Variants in PCDHGA3 observed in about 807,000 individuals in gnomAD.
PCDHGA3 encodes protocadherin gamma-A3.
PCDHGA3 carries 40 observed loss-of-function variants against 58.5 expected under a neutral mutation model. The ratio of observed to expected loss-of-function variants is 0.68; its 90% CI spans 0.53 to 0.89. The LOEUF is 0.89. Among genes scored for constraint, PCDHGA3 ranks in the 40% least tolerant of loss-of-function variants. The pLI is 0.00. For synonymous variants in PCDHGA3, 530 were observed against 525.7 expected, an observed-to-expected ratio of 1.01 and a Z score of -0.11; for missense variants, 1,223 against 1,195.9, an observed-to-expected ratio of 1.02 and a Z score of -0.33.
At chr5:141,400,227 C>A (rs760084071) in intron 1 of PCDHGA3, 2 of 1,614,052 alleles carry the variant, frequency 1.2e-6, no homozygotes, top group Non-Finnish European at 1.7e-6. Flanking sequence ...TGCTCTTCCT[C>A]CTGGCCGTGA....
At chr5:141,371,063 C>T (rs774821524) in intron 1 of PCDHGA3, 2 of 1,613,962 alleles carry the variant, frequency 1.2e-6, no homozygotes, top group South Asian at 2.2e-5. Context: ...CCTCCAGAAG[C>T]TGTACCACCC....
chr5:141,405,546 A>G (rs2094684316), intron 1 of PCDHGA3: 1 of 630,658 alleles, frequency 1.6e-6, no homozygotes, highest in Admixed American at 2.9e-5. Context: ...CAGCCTCCCA[A>G]GTAGAGTAGC....
At chr5:141,370,775 C>A in intron 1 of PCDHGA3, 5 of 1,613,966 alleles carry the variant, frequency 3.1e-6, no homozygotes, top group Non-Finnish European at 4.2e-6. Context: ...AGGATATTAA[C>A]GACAACCCAC....
chr5:141,404,906 C>G, intron 1 of PCDHGA3: 8 of 1,613,864 alleles, frequency 5.0e-6, no homozygotes, highest in Non-Finnish European at 5.1e-6. Context: ...CCATGGCCAG[C>G]CCCCTCTCTC....
chr5:141,413,019 C>A (rs1056458163), intron 1 of PCDHGA3: 24 of 683,104 alleles, frequency 3.5e-5, no homozygotes, highest in Non-Finnish European at 5.2e-5. Flanking sequence ...ACTACACAAG[C>A]CCCACAAACC....
chr5:141,398,145 G>A, intron 1 of PCDHGA3: 2 of 1,520,796 alleles, frequency 1.3e-6, no homozygotes, highest in Admixed American at 4.8e-5. Context: ...GCGGCGCCGG[G>A]GAGCTGGGCC....
intron 1 of PCDHGA3, among the ~76,000 whole-genome samples, chr5:141,483,459 G>A (rs1214951485): frequency 6.6e-6 from 1 of 152,186 alleles, no homozygotes; most frequent in Non-Finnish European, 1.5e-5. Flanking sequence ...AGGACTTGTT[G>A]ATTGACATGA....
At position 141,403,830 on chromosome 5, in the gene PCDHGA3, A is replaced by G. The variant is rs763794433; in HGVS notation, c.2424+57373A>G. On this transcript the variant is annotated intron_variant, in intron 1 of 3. Coordinates refer to ENST00000253812, the MANE Select transcript of PCDHGA3 (RefSeq NM_018916.4). ...AATGAAAAACAATCTCTGCTATTCC[A>G]GCTTAATGAAAATACTGGGGAAATA... The G allele has an allele frequency of 3.7e-6, 6 of 1,613,754 alleles. No individual in the cohort carries two copies. In the Admixed American group the frequency reaches 5.0e-5, roughly 13 times the overall value.
At position 141,364,340 on chromosome 5, in the gene PCDHGA3, C is replaced by G. The variant is rs750695410; in HGVS notation, c.2424+17883C>G. The G allele has an allele frequency of 4.6e-6, 7 of 1,534,518 alleles. No individual in the cohort carries two copies. The highest frequency in any genetic ancestry group is 6.1e-6 in the Non-Finnish European group (7 of 1,144,800). On this transcript the variant is annotated intron_variant, in intron 1 of 3. Coordinates refer to ENST00000253812, the MANE Select transcript of PCDHGA3 (RefSeq NM_018916.4). The stretch of plus-strand genomic sequence containing the variant: ...GGGCAGAGAGAAGGCAATGGCGAGT[C>G]CACCTAGGGGCTGGGGCTGCGGAGA...
Position 141,364,749 on chromosome 5 carries a change from T to A in PCDHGA3, c.2424+18292T>A, listed in dbSNP as rs1588602208. Reference sequence around the variant, plus strand: ...CGTTTCCGGGATGAAGAGTTAAAAGTAAAAGTTAATGAAAATGCGGCTGCA... The same window carrying A: ...CGTTTCCGGGATGAAGAGTTAAAAGAAAAAGTTAATGAAAATGCGGCTGCA... On this transcript the variant is annotated intron_variant, in intron 1 of 3. Coordinates refer to ENST00000253812, the MANE Select transcript of PCDHGA3 (RefSeq NM_018916.4). 3.1e-5 allele frequency: 50 copies of A among 1,613,798 alleles called. No individual in the cohort carries two copies. In the East Asian group the frequency reaches 1.1e-3, roughly 35 times the overall value.
Position 141,511,349 on chromosome 5 carries a change from C to T in PCDHGA3, c.*176C>T, listed in dbSNP as rs1463242262. The T allele has an allele frequency of 2.1e-6, 3 of 1,401,380 alleles. No homozygotes were observed. The highest frequency in any genetic ancestry group is 2.9e-5 in the African/African-American group (2 of 68,826). 86.8% of individuals were successfully genotyped at this position (1,401,380 alleles called of 1,614,324 possible). The stretch of plus-strand genomic sequence containing the variant: ...GCCCAGTCAGCACCTACCCCTTCCC[C>T]CCCAGGGGGTTGAATATGCAAAAGC... On this transcript the variant is annotated 3_prime_UTR_variant, in exon 4 of 4. Transcript: ENST00000253812.
At chr5:141,454,697 T>A (rs768850161) in intron 1 of PCDHGA3, among the ~76,000 whole-genome samples, 14 of 150,312 alleles carry the variant, frequency 9.3e-5, no homozygotes, top group African/African-American at 3.4e-4. Flanking sequence ...TGAGCCACCA[T>A]GCTCCACCTG....
At chr5:141,441,818 TG>T in intron 1 of PCDHGA3, 1 of 359,922 alleles carries the variant, frequency 2.8e-6, no homozygotes, top group Non-Finnish European at 5.5e-6. Flanking sequence ...ACCCCAGCTC[TG>T]GAGCGCAATG....
chr5:141,423,693 G>A (rs114008539), intron 1 of PCDHGA3: 1 of 1,396,244 alleles, frequency 7.2e-7, no homozygotes, highest in Non-Finnish European at 9.4e-7. Flanking sequence ...CTAATTGTTG[G>A]TGTCTTGGCA....
intron 1 of PCDHGA3, chr5:141,350,786 T>C (rs1758560057): frequency 1.9e-6 from 3 of 1,613,872 alleles, no homozygotes; most frequent in South Asian, 1.1e-5. Context: ...TCAATACTTC[T>C]CTCTGTCAAC....
chr5:141,351,001 C>T (rs1358534137), intron 1 of PCDHGA3: 3 of 1,613,936 alleles, frequency 1.9e-6, no homozygotes, highest in African/African-American at 1.3e-5. Flanking sequence ...ACAGGGTTAG[C>T]CTCCAAGAAA....
chr5:141,477,063 A>G lies in PCDHGA3; in HGVS notation c.2425-17744A>G, dbSNP rs2099404387. 6.2e-7 allele frequency: 1 copy of G among 1,614,248 alleles called. No individual in the cohort carries two copies. On this transcript the variant is annotated intron_variant, in intron 1 of 3. Coordinates refer to ENST00000253812, the MANE Select transcript of PCDHGA3 (RefSeq NM_018916.4). The surrounding 1 kb of genome is among the most constrained non-coding windows in gnomAD (Gnocchi z 4.9). Reference sequence around the variant, plus strand: ...GGTCGGCTGGACTTCGAGGACACCAAACTCCATGAGATTTACATCCAGGCC... The same window carrying G: ...GGTCGGCTGGACTTCGAGGACACCAGACTCCATGAGATTTACATCCAGGCC...
chr5:141,385,549 C>T, intron 1 of PCDHGA3: 3 of 1,316,166 alleles, frequency 2.3e-6, no homozygotes, highest in East Asian at 2.9e-5. Context: ...TGGACTATCA[C>T]ATTTTATAAT....
chr5:141,494,785 T>G, intron 1 of PCDHGA3, 22 bp from the exon 2 acceptor site: 1 of 1,614,016 alleles, frequency 6.2e-7, no homozygotes, highest in Non-Finnish European at 8.5e-7. Flanking sequence ...ACTCAGCCCC[T>G]TTCCCTCTGT....
Sources: allele counts gnomAD v4.1 joint callset (sites outside exome capture counted in the v4.1 genomes callset), GRCh38; gene constraint gnomAD v4.1.1; non-coding constraint Gnocchi (gnomAD v3.1); transcripts MANE v1.5; gene names NCBI Gene and HGNC (gene_info 2026-07-23, HGNC 2026-07-21).